Variants in VWF observed in about 807,000 individuals in gnomAD.
VWF encodes Factor VIII related antigen.
In VWF, 176 loss-of-function variants were observed where a neutral mutation model predicts 308.6. The observed-to-expected ratio is 0.57, with a 90% confidence interval of 0.50 to 0.65. The LOEUF is 0.65. VWF is among the 30% of genes least tolerant of loss of function. VWF has a pLI of 0.00. For synonymous variants in VWF, 1,385 were observed against 1,443.4 expected (o/e 0.96, Z 0.92); for missense variants, 3,146 against 3,648.2 (o/e 0.86, Z 3.55).
rs1370409927 is a variant in VWF, at chr12:5,952,413, T to G, written c.8093A>C (p.Glu2698Ala). 2 of 1,614,058 alleles carry G rather than the reference T, an allele frequency of 1.2e-6. No individual in the cohort carries two copies. Among genetic ancestry groups the G allele is most frequent in the Non-Finnish European group, 1.7e-6 (2 of 1,179,930 alleles). Residue 2698 changes from glutamate to alanine, a missense_variant, in exon 49 of 52, where the codon GAA (glutamate) becomes GCA (alanine). Coordinates refer to ENST00000261405, the MANE Select transcript of VWF (RefSeq NM_000552.5). ...CACTCCCTCAGCCAGACACTTGTGT[T>G]CATCAAAGGGTGGGCAGCCTGTGAC... is the stretch of plus-strand genomic sequence containing the variant. ...KRVTGCPPFD[E>A]HKCLAEGGKI...
chr12:6,097,004 T>C (rs1945111727), intron 5 of VWF, among the ~76,000 whole-genome samples: 1 of 152,220 alleles, frequency 6.6e-6, no homozygotes, highest in Non-Finnish European at 1.5e-5. Flanking sequence ...ACACCAAAGA[T>C]ATATTCACTT....
chr12:5,993,597 C>T (rs1049245562), intron 37 of VWF, among the ~76,000 whole-genome samples: 11 of 150,382 alleles, frequency 7.3e-5, no homozygotes, highest in African/African-American at 2.2e-4. Flanking sequence ...AAAAATTCTA[C>T]GTGCAGAGTG....
chr12:6,106,114 T>C (rs902442949), intron 5 of VWF, among the ~76,000 whole-genome samples: 1 of 152,198 alleles, frequency 6.6e-6, no homozygotes, highest in Non-Finnish European at 1.5e-5. Context: ...AGCAGCTTTA[T>C]TCACTATAGG....
chr12:6,122,638 G>A, intron 2 of VWF: 1 of 412,084 alleles, frequency 2.4e-6, no homozygotes, highest in South Asian at 1.8e-5. Context: ...CCCGCCATTT[G>A]CAGACCCAGA....
intron 6 of VWF, among the ~76,000 whole-genome samples, chr12:6,078,185 G>C (rs1367233159): frequency 6.6e-6 from 1 of 152,112 alleles, no homozygotes; most frequent in African/African-American, 2.4e-5. Context: ...ATCACCCTGG[G>C]CTATACTGAG....
intron 10 of VWF, among the ~76,000 whole-genome samples, chr12:6,069,553 G>T (rs1431100671): frequency 6.6e-6 from 1 of 152,174 alleles, no homozygotes; most frequent in East Asian, 1.9e-4. Flanking sequence ...GCATCAGACA[G>T]CCCCACTGCC....
rs146596289 is a variant in VWF at position 6,018,501 on chromosome 12, C to T, written c.4917G>A (p.Leu1639=). Residue 1639 remains leucine (L), a synonymous_variant, in exon 28 of 52, where the codon CTG becomes CTA. Coordinates refer to ENST00000261405, the MANE Select transcript of VWF (RefSeq NM_000552.5). ...GGGCATTGGGCCAGCCAATCCTCTC[C>T]AGCTCCTGCACGTTGGCATTAGGGC... ...GVGPNANVQE[L]ERIGWPNAPI... 1.7e-4 allele frequency: 274 copies of T among 1,613,848 alleles called. 1 individual carries two copies. In the African/African-American group the frequency reaches 3.2e-3, roughly 19 times the overall value.
intron 47 of VWF, among the ~76,000 whole-genome samples, chr12:5,954,867 C>T (rs1943229947): frequency 2.0e-5 from 3 of 152,126 alleles, no homozygotes; most frequent in African/African-American, 7.2e-5. Flanking sequence ...ACTGGAACTT[C>T]ATAAGGGACA....
chr12:5,994,209 GAAAC>G lies in VWF; in HGVS notation c.6257-10_6257-7del, dbSNP rs772925800. 1 of 1,613,864 alleles carries G rather than the reference GAAAC, an allele frequency of 6.2e-7. No individual in the cohort carries two copies. The highest frequency in any genetic ancestry group is 8.5e-7 in the Non-Finnish European group (1 of 1,179,928). The stretch of plus-strand genomic sequence containing the variant: ...TCCGTTCTCATCACAGATCCCTAGA[GAAAC>G]AAACAAACAAAAAAAAGATAAACTG... On this transcript the variant is annotated splice_polypyrimidine_tract_variant and splice_region_variant and intron_variant, in intron 36 of 51. Coordinates refer to ENST00000261405, the MANE Select transcript of VWF (RefSeq NM_000552.5).
At chr12:6,097,367 G>T (rs1016899151) in intron 5 of VWF, among the ~76,000 whole-genome samples, 1 of 152,128 alleles carries the variant, frequency 6.6e-6, no homozygotes, top group Non-Finnish European at 1.5e-5. Flanking sequence ...AACCTGGAAG[G>T]CGAAGACTAC....
chr12:5,955,967 C>A (rs930854878), intron 47 of VWF, among the ~76,000 whole-genome samples: 2 of 152,128 alleles, frequency 1.3e-5, no homozygotes, highest in Non-Finnish European at 2.9e-5. Context: ...AAATAGGGAG[C>A]CCCAGGGACC....
rs1023747568 is a variant in VWF, at chr12:6,020,484, C to A, written c.3675-741G>T. Among the ~76,000 whole-genome samples, 29 of 152,228 alleles carry A rather than the reference C, an allele frequency of 1.9e-4. No individual in the cohort carries two copies. The highest frequency in any genetic ancestry group is 7.0e-4 in the African/African-American group (29 of 41,448). ...GCCAGGCTCTGTGCCCAGCCCCAAG[C>A]ACACACCACAAGTCTGTAGTAGAGC... On this transcript the variant is annotated intron_variant, in intron 27 of 51. Coordinates refer to ENST00000261405, the MANE Select transcript of VWF (RefSeq NM_000552.5). This position sits in a 1 kb window ranked among gnomAD's most constrained non-coding sequence, Gnocchi z 4.3.
At chr12:6,091,105 A>G (rs1204470706) in intron 6 of VWF, among the ~76,000 whole-genome samples, 4 of 152,196 alleles carry the variant, frequency 2.6e-5, no homozygotes, top group Non-Finnish European at 4.4e-5. Context: ...TTTGGAATGT[A>G]CTTGTTTATA....
At chr12:6,106,442 T>C (rs1292645431) in intron 5 of VWF, among the ~76,000 whole-genome samples, 3 of 152,016 alleles carry the variant, frequency 2.0e-5, no homozygotes, top group East Asian at 3.8e-4. Context: ...GAGGGAAGAA[T>C]GGGAAGTTAT....
rs767060922 is a variant in VWF at position 6,018,822 on chromosome 12, C to T, written c.4596G>A (p.Gln1532=). The change falls in exon 28 of 52, where the codon CAG becomes CAA. Residue 1532 remains glutamine (Q), a synonymous_variant. Coordinates refer to ENST00000261405, the MANE Select transcript of VWF (RefSeq NM_000552.5). ...GCAGCACCGTGACGTGGATGCTGTC[C>T]TGGCCCACATCCATCCGCTGAATCA... is the stretch of plus-strand genomic sequence containing the variant. The part of the protein sequence containing the change: ...EEVIQRMDVG[Q]DSIHVTVLQY... The T allele has an allele frequency of 5.0e-6, 8 of 1,613,868 alleles. No individual in the cohort carries two copies. The highest frequency in any genetic ancestry group is 2.5e-6 in the Non-Finnish European group (3 of 1,179,892).
At position 6,072,413 on chromosome 12, in the gene VWF, C is replaced by T. The variant is rs746575545; in HGVS notation, c.1027G>A (p.Val343Met). 68 of 1,614,102 alleles carry T rather than the reference C, an allele frequency of 4.2e-5. 1 individual carries two copies. In the South Asian group the frequency reaches 4.9e-4, roughly 12 times the overall value. Reference protein sequence around the residue: ...EGQLLDEGLCVESTECPCVHS... With the variant: ...EGQLLDEGLCMESTECPCVHS... ...ACGCAGGGACACTCGGTGCTCTCCA[C>T]GCAGAGGCCTTCATCCAGGAGCTGT... Residue 343 changes from valine (V) to methionine (M), a missense_variant, in exon 9 of 52, where the codon GTG (valine) becomes ATG (methionine). Around this residue, in one of 3 missense-constraint regions of VWF, gnomAD observed 1,304 missense variants for 1,353.0 expected, o/e 0.96. Coordinates refer to ENST00000261405, the MANE Select transcript of VWF (RefSeq NM_000552.5).
chr12:5,971,592 G>C lies in VWF; in HGVS notation c.7548+7C>G. ...CCCTCCTCCCCGTCCCGGGGGCCTG[G>C]ACCTACACTCTTCCAGGAAGACTGG... On this transcript the variant is annotated splice_region_variant and intron_variant, in intron 44 of 51. Transcript: ENST00000261405. 1 of 1,612,950 alleles carries C rather than the reference G, an allele frequency of 6.2e-7. No homozygotes were observed. The highest frequency in any genetic ancestry group is 8.5e-7 in the Non-Finnish European group (1 of 1,179,048).
At chr12:6,108,980 C>CA (rs748182676) in intron 5 of VWF, among the ~76,000 whole-genome samples, 4,438 of 63,406 alleles carry the variant, frequency 0.07, 93 homozygotes, top group South Asian at 0.097. Context: ...GACTCCGTCT[C>CA]AAAAAAAAAA....
intron 38 of VWF, among the ~76,000 whole-genome samples, chr12:5,988,944 A>G (rs1482845973): frequency 3.9e-5 from 6 of 152,244 alleles, no homozygotes. Flanking sequence ...TTCAAGGCCC[A>G]AGGTCAAAGA....
Sources: allele counts gnomAD v4.1 joint callset (sites outside exome capture counted in the v4.1 genomes callset), GRCh38; gene constraint gnomAD v4.1.1; regional missense constraint gnomAD v4.1.1; non-coding constraint Gnocchi (gnomAD v3.1); transcripts MANE v1.5; gene names NCBI Gene and HGNC (gene_info 2026-07-23, HGNC 2026-07-21).